SEMA4A: variants seen among roughly 807,000 people sequenced by gnomAD.
The protein encoded by SEMA4A is semaphorin-4A.
SEMA4A carries 52 observed loss-of-function variants against 72.5 expected under a neutral mutation model. The observed-to-expected ratio is 0.72, with a 90% CI of 0.57 to 0.90. The LOEUF (loss-of-function observed/expected upper bound fraction) is 0.90, where lower values mean the gene tolerates loss of function less well. Among genes scored for constraint, SEMA4A ranks in the 40% least tolerant of loss-of-function variants. The probability of loss-of-function intolerance (pLI) is 0.00; values close to 1 mark genes in which losing one functional copy is unlikely to be tolerated. For synonymous variants in SEMA4A, 369 were observed against 393.1 expected (o/e 0.94, Z 0.73); for missense variants, 926 against 959.7 (o/e 0.96, Z 0.46).
chr1:156,151,767 T>C (rs900528673), upstream of SEMA4A, among the ~76,000 whole-genome samples: 4 of 125,952 alleles, frequency 3.2e-5, no homozygotes, highest in African/African-American at 6.3e-5. Context: ...ACCCGGGAGG[T>C]GGAGGTTGCA....
intron 8 of SEMA4A, 131 bp downstream of exon 8, chr1:156,161,160 T>C: frequency 4.1e-6 from 1 of 242,726 alleles, no homozygotes; most frequent in Non-Finnish European, 6.6e-6. Flanking sequence ...CCTGGCGGGG[T>C]GGGGCGGGGG....
In SEMA4A at chr1:156,161,404, A is replaced by G. The variant is rs1326879196; in HGVS notation, c.869A>G (p.Gln290Arg). Reference protein sequence around the residue: ...QKKWTTFLKAQLLCTQPGQLP... With the variant: ...QKKWTTFLKARLLCTQPGQLP... ...AAGTGGACCACCTTCCTGAAGGCCC[A>G]GCTGCTCTGCACCCAGCCGGGGCAG... The change falls in exon 9 of 15, where the codon CAG (glutamine) becomes CGG (arginine). Residue 290 changes from glutamine (Q) to arginine (R), a missense_variant. Gln to Arg is a conservative substitution (Grantham distance 43). Transcript: ENST00000368285. 6.2e-7 allele frequency: 1 copy of G among 1,611,750 alleles called. No individual in the cohort carries two copies. The highest frequency in any genetic ancestry group is 2.2e-5 in the East Asian group (1 of 44,718).
chr1:156,163,110 C>CCG lies in SEMA4A; in HGVS notation c.1134+16_1134+17insCG. 6.2e-7 allele frequency: 1 copy of CCG among 1,606,864 alleles called. No individual in the cohort carries two copies. Among genetic ancestry groups the CCG allele is most frequent in the South Asian group, 1.1e-5 (1 of 90,918 alleles). ...GCCAGGCAGTGTGAGTACTACCCCC[C>CCG]ACACTGAGCACAGTCTACACATACA... On this transcript the variant is annotated intron_variant, in intron 10 of 14. Coordinates refer to ENST00000368285, the MANE Select transcript of SEMA4A (RefSeq NM_022367.4).
rs999528191 is a variant in SEMA4A at position 156,163,147 on chromosome 1, A to G, written c.1134+53A>G. On this transcript the variant is annotated intron_variant, in intron 10 of 14. Transcript: ENST00000368285. ...AGTCTACACATACATAATGTGCATG[A>G]AAAAACACCTATCATGGCATAGTAA... 1.5e-5 allele frequency: 24 copies of G among 1,593,104 alleles called. No individual in the cohort carries two copies. In the South Asian group the frequency reaches 2.5e-4, roughly 17 times the overall value.
chr1:156,152,367 C>A (rs887022221), upstream of SEMA4A, among the ~76,000 whole-genome samples: 1 of 152,060 alleles, frequency 6.6e-6, no homozygotes, highest in Non-Finnish European at 1.5e-5. Context: ...TGGAACTCCC[C>A]CAGCCTCCCC....
chr1:156,152,696 G>A (rs1652642363), upstream of SEMA4A, among the ~76,000 whole-genome samples: 1 of 152,204 alleles, frequency 6.6e-6, no homozygotes, highest in South Asian at 2.1e-4. Context: ...GGAGTAGCCT[G>A]AGCTGTAACA....
intron 6 of SEMA4A, among the ~76,000 whole-genome samples, chr1:156,159,805 G>T (rs1001492366): frequency 2.6e-5 from 4 of 151,344 alleles, no homozygotes; most frequent in Admixed American, 2.6e-4. Flanking sequence ...AAGCGCCTGT[G>T]ATCCCAGCTA....
intron 14 of SEMA4A, 29 bp downstream of exon 14, chr1:156,175,685 G>T (rs759601769): frequency 6.6e-7 from 1 of 1,513,568 alleles, no homozygotes; most frequent in African/African-American, 1.4e-5. Context: ...ACCAGGGGAG[G>T]TGCAAAGGCT....
At chr1:156,160,708 T>C in intron 7 of SEMA4A, 149 bp downstream of exon 7, 3 of 1,051,904 alleles carry the variant, frequency 2.9e-6, no homozygotes, top group Middle Eastern at 2.3e-4. Context: ...TCCGGTTCTC[T>C]TGAAGCTTTC....
At position 156,163,083 on chromosome 1, in the gene SEMA4A, C is replaced by A; in HGVS notation, c.1123C>A (p.Arg375=). ...TTYRGPETNP[R]PGSCSVGPSS... is the part of the protein sequence containing the mutation. ...TTATAGGGGCCCTGAGACCAACCCC[C>A]GGCCAGGCAGTGTGAGTACTACCCC... The change falls in exon 10 of 15, where the codon CGG becomes AGG. Residue 375 remains arginine (R), a synonymous_variant. Coordinates refer to ENST00000368285, the MANE Select transcript of SEMA4A (RefSeq NM_022367.4). 3 of 1,614,016 alleles carry A rather than the reference C, an allele frequency of 1.9e-6. No individual in the cohort carries two copies.
chr1:156,157,388 T>C lies in SEMA4A; in HGVS notation c.301-682T>C, dbSNP rs1653136657. On this transcript the variant is annotated intron_variant, in intron 3 of 14. Coordinates refer to ENST00000368285, the MANE Select transcript of SEMA4A (RefSeq NM_022367.4). The surrounding 1 kb of genome is among the most constrained non-coding windows in gnomAD (Gnocchi z 4.5). ...TAGTAGAGACGGGGTTTCACCATGT[T>C]GGTCAGCCTGGTCTCGAACTCCCGA... Among the ~76,000 whole-genome samples the C allele has an allele frequency of 6.6e-6, 1 of 152,170 alleles. No individual in the cohort carries two copies. The highest frequency in any genetic ancestry group is 1.5e-5 in the Non-Finnish European group (1 of 68,030).
chr1:156,167,090 A>T (rs1345457829), intron 10 of SEMA4A, among the ~76,000 whole-genome samples: 1 of 151,920 alleles, frequency 6.6e-6, no homozygotes, highest in Non-Finnish European at 1.5e-5. Context: ...TTGTAGAGGC[A>T]GGGTCTCAAA....
At chr1:156,160,869 G>A in intron 7 of SEMA4A, 36 bp from the exon 8 acceptor site, 3 of 1,612,916 alleles carry the variant, frequency 1.9e-6, no homozygotes, top group South Asian at 1.1e-5. Flanking sequence ...GCATGCAGGG[G>A]CTCAGTCCCT....
At chr1:156,160,616 C>T (rs1465070680) in intron 7 of SEMA4A, 57 bp downstream of exon 7, 4 of 1,448,540 alleles carry the variant, frequency 2.8e-6, no homozygotes, top group Admixed American at 3.4e-5. Flanking sequence ...CTTGCTAATT[C>T]ACTCAACTTT....
rs750642136 is a variant in SEMA4A at position 156,161,044 on chromosome 1, CG to C, written c.810+21del. 7 of 1,585,578 alleles carry C rather than the reference CG, an allele frequency of 4.4e-6. No individual in the cohort carries two copies. The highest frequency in any genetic ancestry group is 1.4e-5 in the African/African-American group (1 of 69,642). On this transcript the variant is annotated intron_variant, in intron 8 of 14. Transcript: ENST00000368285. ...GAGTCTGCAAGGTCCGCGGCCTGGG[CG>C]GGGGGCGGGGCTAACTGGAGGAGAA...
At position 156,172,935 on chromosome 1, in the gene SEMA4A, A is replaced by G. The variant is rs757839207; in HGVS notation, c.1244A>G (p.Tyr415Cys). Residue 415 changes from tyrosine to cysteine, a missense_variant, in exon 11 of 15, where the codon TAT becomes TGT. By Grantham distance (194) the Tyr-to-Cys change is radical. Transcript: ENST00000368285. ...CTGCTGGTGAAATCTGGCGTGGAGT[A>G]TACACGGCTTGCAGTGGAGACAGCC... ...TPLLVKSGVE[Y>C]TRLAVETAQG... is the part of the protein sequence containing the mutation. 3 of 1,614,134 alleles carry G rather than the reference A, an allele frequency of 1.9e-6. No homozygotes were observed. Among genetic ancestry groups the G allele is most frequent in the East Asian group, 2.2e-5 (1 of 44,882 alleles).
chr1:156,165,252 A>C (rs1470662119), intron 10 of SEMA4A, among the ~76,000 whole-genome samples: 1 of 152,162 alleles, frequency 6.6e-6, no homozygotes, highest in African/African-American at 2.4e-5. Context: ...CTCCCGGAGC[A>C]CAGATGCCAT....
chr1:156,156,012 C>G, intron 2 of SEMA4A: 1 of 291,380 alleles, frequency 3.4e-6, no homozygotes, highest in South Asian at 3.3e-5. Flanking sequence ...CTCTGACATA[C>G]GCCCTCCTGT....
chr1:156,161,218 G>A (rs1230225403), intron 8 of SEMA4A, 128 bp from the exon 9 acceptor site: 10 of 597,570 alleles, frequency 1.7e-5, no homozygotes, highest in African/African-American at 2.6e-5. Context: ...GGCTGAGGGG[G>A]CGGGGTGGGG....
Sources: allele counts gnomAD v4.1 joint callset (sites outside exome capture counted in the v4.1 genomes callset), GRCh38; gene constraint gnomAD v4.1.1; non-coding constraint Gnocchi (gnomAD v3.1); transcripts MANE v1.5; gene names NCBI Gene and HGNC (gene_info 2026-07-23, HGNC 2026-07-21).